The following IRAK2 variants were observed in gnomAD, a reference collection of about 807,000 sequenced individuals.
IRAK2 encodes the protein interleukin 1 receptor associated kinase 2, also known as interleukin-1 receptor-associated kinase-like 2.
Under a neutral mutation model 72.0 loss-of-function variants are expected in IRAK2, and 57 were observed. The ratio of observed to expected loss-of-function variants is 0.79; its 90% CI spans 0.64 to 0.99. The LOEUF is 0.99. Ranked by LOEUF, IRAK2 falls within the 50% of genes least tolerant of loss-of-function variation. The pLI is 0.00. For missense variants in IRAK2, 790 were observed against 794.4 expected, an observed-to-expected ratio of 0.99 and a Z score of 0.07; for synonymous variants, 293 against 312.7, an observed-to-expected ratio of 0.94 and a Z score of 0.67.
intron 3 of IRAK2, among the ~76,000 whole-genome samples, chr3:10,204,221 A>G (rs1421516941): frequency 6.6e-6 from 1 of 152,194 alleles, no homozygotes; most frequent in Non-Finnish European, 1.5e-5. Context: ...CTCTTTTTAC[A>G]TTTGAGAAAG....
At chr3:10,200,858 A>G (rs1697348697) in intron 3 of IRAK2, among the ~76,000 whole-genome samples, 1 of 152,230 alleles carries the variant, frequency 6.6e-6, no homozygotes, top group South Asian at 2.1e-4. Flanking sequence ...CTATGATCAC[A>G]CCACTGCACT....
intron 9 of IRAK2, among the ~76,000 whole-genome samples, chr3:10,223,337 C>T (rs1430387462): frequency 6.6e-6 from 1 of 152,180 alleles, no homozygotes; most frequent in Non-Finnish European, 1.5e-5. Context: ...ACCCAGCATC[C>T]CACCCTACCA....
intron 2 of IRAK2, among the ~76,000 whole-genome samples, chr3:10,188,767 C>A (rs1363292449): frequency 6.6e-6 from 1 of 152,228 alleles, no homozygotes; most frequent in Non-Finnish European, 1.5e-5. Flanking sequence ...CTCAGGTGAT[C>A]CCCCTGCCTT....
intron 2 of IRAK2, among the ~76,000 whole-genome samples, chr3:10,189,534 T>C (rs9310359): frequency 0.084 from 12,846 of 152,258 alleles, 1,801 homozygotes; most frequent in African/African-American, 0.29. Context: ...CCGAAGGGAT[T>C]TGGGAAGTGA....
intron 2 of IRAK2, among the ~76,000 whole-genome samples, chr3:10,195,613 G>A (rs263408): frequency 0.94 from 142,634 of 152,184 alleles, 66,936 homozygotes; most frequent in African/African-American, 0.98. Context: ...CCTCATCCCC[G>A]TTTTACTGTG....
intron 8 of IRAK2, among the ~76,000 whole-genome samples, chr3:10,221,302 G>A (rs1391018780): frequency 3.6e-5 from 5 of 139,706 alleles, no homozygotes; most frequent in Non-Finnish European, 7.5e-5. Context: ...GGCCCAGGCT[G>A]GAGTGCAGTG....
chr3:10,175,940 C>T (rs1276450243), intron 1 of IRAK2, among the ~76,000 whole-genome samples: 10 of 149,028 alleles, frequency 6.7e-5, no homozygotes, highest in African/African-American at 2.5e-4. Context: ...TTACCTGCAG[C>T]GTGGCAACAA....
intron 1 of IRAK2, among the ~76,000 whole-genome samples, chr3:10,173,732 G>A (rs1379986400): frequency 1.3e-5 from 2 of 152,176 alleles, no homozygotes; most frequent in Non-Finnish European, 2.9e-5. Flanking sequence ...GGCTGAGGCA[G>A]GAGAATTGCT....
At chr3:10,191,496 T>C (rs1390862354) in intron 2 of IRAK2, among the ~76,000 whole-genome samples, 1 of 152,190 alleles carries the variant, frequency 6.6e-6, no homozygotes, top group Admixed American at 6.5e-5. Flanking sequence ...GCCCGGCTCT[T>C]CAACCTCACC....
Position 10,164,959 on chromosome 3 carries a change from C to G in IRAK2, c.5C>G (p.Ala2Gly). 6.2e-7 allele frequency: 1 copy of G among 1,609,184 alleles called. No individual in the cohort carries two copies. Among genetic ancestry groups the G allele is most frequent in the South Asian group, 1.1e-5 (1 of 90,614 alleles). Residue 2 changes from alanine (A) to glycine (G), a missense_variant, in exon 1 of 13, where the codon GCC (alanine) becomes GGC (glycine). Ala to Gly is a moderately conservative substitution (Grantham distance 60). Transcript: ENST00000256458. ...GAGCCGGCCCCGTAGCGTGCCATGG[C>G]CTGCTACATCTACCAGCTGCCCTCC... M[A>G]CYIYQLPSWV...
At chr3:10,182,856 T>G (rs1696982440) in intron 2 of IRAK2, among the ~76,000 whole-genome samples, 1 of 151,740 alleles carries the variant, frequency 6.6e-6, no homozygotes, top group African/African-American at 2.4e-5. Context: ...CTGCAACCTC[T>G]GCTTCTGGAG....
At chr3:10,238,613 G>GT in intron 11 of IRAK2, 135 bp from the exon 12 acceptor site, 1 of 856,898 alleles carries the variant, frequency 1.2e-6, no homozygotes, top group Non-Finnish European at 1.8e-6. Flanking sequence ...GAAGGGTGTG[G>GT]TTTTTTCAGA....
At chr3:10,179,595 G>A (rs1248468675) in intron 2 of IRAK2, among the ~76,000 whole-genome samples, 2 of 151,670 alleles carry the variant, frequency 1.3e-5, no homozygotes, top group African/African-American at 4.8e-5. Flanking sequence ...CACCATGCCC[G>A]GCTAATTTTT....
intron 2 of IRAK2, among the ~76,000 whole-genome samples, chr3:10,198,785 T>C (rs1253363119): frequency 6.6e-6 from 1 of 152,178 alleles, no homozygotes; most frequent in East Asian, 1.9e-4. Context: ...GGAGATGTTT[T>C]GTCCCAGCCC....
chr3:10,241,671 C>T (rs1003378559), intron 12 of IRAK2, among the ~76,000 whole-genome samples: 5 of 151,672 alleles, frequency 3.3e-5, no homozygotes, highest in East Asian at 1.9e-4. Flanking sequence ...GAGGCCGAGG[C>T]GGGTGGGTTG....
intron 11 of IRAK2, among the ~76,000 whole-genome samples, 181 bp downstream of exon 11, chr3:10,234,840 G>T (rs1697927793): frequency 6.6e-6 from 1 of 152,210 alleles, no homozygotes; most frequent in Admixed American, 6.5e-5. Flanking sequence ...CGGAGCCCGA[G>T]GACGGGTATT....
chr3:10,222,183 C>T (rs933269874), intron 8 of IRAK2, among the ~76,000 whole-genome samples: 9 of 152,142 alleles, frequency 5.9e-5, no homozygotes, highest in African/African-American at 1.2e-4. Flanking sequence ...CCACTGTGCC[C>T]GGCCAAGAGG....
rs764907843 is a variant in IRAK2, at chr3:10,213,319, G to C, written c.641G>C (p.Arg214Pro). ...VQATDDFNQN[R>P]KISQGTFADV... ...GCAACCGATGACTTCAATCAAAACC[G>C]CAAAATCAGCCAGGGGACCTTTGCT... The change falls in exon 5 of 13, where the codon CGC becomes CCC. Residue 214 changes from arginine to proline, a missense_variant. By Grantham distance (103) the Arg-to-Pro change is moderately radical. Transcript: ENST00000256458. 1 of 1,614,086 alleles carries C rather than the reference G, an allele frequency of 6.2e-7. No individual in the cohort carries two copies. Among genetic ancestry groups the C allele is most frequent in the Non-Finnish European group, 8.5e-7 (1 of 1,180,010 alleles).
intron 11 of IRAK2, among the ~76,000 whole-genome samples, chr3:10,238,114 A>G (rs1371991615): frequency 6.6e-6 from 1 of 151,950 alleles, no homozygotes; most frequent in South Asian, 2.1e-4. Context: ...ACGTGCACGC[A>G]CACACACACA....
Sources: gnomAD v4.1 joint callset for allele counts (sites outside exome capture counted in the v4.1 genomes callset) on GRCh38, gnomAD v4.1.1 for gene constraint, MANE v1.5 for transcripts, NCBI Gene and HGNC (gene_info 2026-07-23, HGNC 2026-07-21) for gene names.